The following SYT9 variants were observed in gnomAD, a reference collection of about 807,000 sequenced individuals.
SYT9 encodes synaptotagmin 9.
A neutral mutation model predicts 48.4 loss-of-function variants in SYT9; 22 were observed. The ratio of observed to expected loss-of-function variants is 0.45; its 90% CI spans 0.32 to 0.65. The LOEUF (loss-of-function observed/expected upper bound fraction) is 0.65, where lower values mean the gene tolerates loss of function less well. Ranked by LOEUF, SYT9 falls within the 30% of genes least tolerant of loss-of-function variation. The probability of loss-of-function intolerance (pLI) is 0.03; values close to 1 mark genes in which losing one functional copy is unlikely to be tolerated. For synonymous variants in SYT9, 265 were observed against 245.0 expected, an observed-to-expected ratio of 1.08 and a Z score of -0.76; for missense variants, 577 against 622.0, an observed-to-expected ratio of 0.93 and a Z score of 0.77.
At chr11:7,391,146 G>A (rs1192408370) in intron 3 of SYT9, among the ~76,000 whole-genome samples, 2 of 152,028 alleles carry the variant, frequency 1.3e-5, no homozygotes, top group Admixed American at 1.3e-4. Flanking sequence ...GTTTCTGTAA[G>A]GACATGATTT....
chr11:7,383,082 C>T (rs1016276296), intron 3 of SYT9, among the ~76,000 whole-genome samples: 2 of 152,152 alleles, frequency 1.3e-5, no homozygotes, highest in Non-Finnish European at 2.9e-5. Flanking sequence ...GGGAAAATAT[C>T]AGGAATAGAG....
chr11:7,334,629 C>CACCCA, intron 3 of SYT9, among the ~76,000 whole-genome samples: 1 of 152,196 alleles, frequency 6.6e-6, no homozygotes, highest in Non-Finnish European at 1.5e-5. Context: ...CCTCTCCTGC[C>CACCCA]TCCACTCCCT....
At chr11:7,266,069 T>G (rs1471226824) in intron 1 of SYT9, among the ~76,000 whole-genome samples, 1 of 152,098 alleles carries the variant, frequency 6.6e-6, no homozygotes, top group Non-Finnish European at 1.5e-5. Context: ...ATTCAGAGGA[T>G]CCCAAGTTAA....
intron 1 of SYT9, among the ~76,000 whole-genome samples, chr11:7,270,833 A>ACACACACG (rs1787164368): frequency 1.8e-3 from 1 of 542 alleles, no homozygotes. Context: ...CAAGACACAG[A>ACACACACG]CACACACACA....
intron 3 of SYT9, among the ~76,000 whole-genome samples, chr11:7,362,153 AT>A (rs977717492): frequency 8.0e-5 from 7 of 87,286 alleles, no homozygotes; most frequent in African/African-American, 8.8e-5. Context: ...TTTTTTTTTT[AT>A]TTTTTTTTGA....
intron 3 of SYT9, among the ~76,000 whole-genome samples, chr11:7,397,561 A>G (rs1352556133): frequency 2.6e-5 from 4 of 152,290 alleles, no homozygotes; most frequent in Middle Eastern, 3.4e-3. Flanking sequence ...TATGAAATAT[A>G]TATTGGGATT....
At chr11:7,412,902 C>T (rs973593795) in intron 3 of SYT9, among the ~76,000 whole-genome samples, 4 of 152,144 alleles carry the variant, frequency 2.6e-5, no homozygotes, top group Non-Finnish European at 1.5e-5. Flanking sequence ...GAAGAGTGCA[C>T]ATGTGCCAAC....
At chr11:7,322,389 G>A (rs1191335341) in intron 3 of SYT9, among the ~76,000 whole-genome samples, 1 of 152,192 alleles carries the variant, frequency 6.6e-6, no homozygotes, top group African/African-American at 2.4e-5. Context: ...CAAGAGGGAA[G>A]CCAGGTTCCT....
rs372693625 is a variant in SYT9 at position 7,318,836 on chromosome 11, G to T, written c.1044+4895G>T. 8.5e-5 allele frequency among the ~76,000 whole-genome samples: 13 copies of T among 152,142 alleles called. No individual in the cohort carries two copies. In the South Asian group the frequency reaches 2.5e-3, roughly 29 times the overall value. ...AATGATCCACACTGATCTTGATATAGTACATTTTCTTTACACTGCTGAGTT... is the reference window on the plus strand; with the variant it reads ...AATGATCCACACTGATCTTGATATATTACATTTTCTTTACACTGCTGAGTT... On this transcript the variant is annotated intron_variant, in intron 3 of 6. Coordinates refer to ENST00000318881, the MANE Select transcript of SYT9 (RefSeq NM_175733.4).
At chr11:7,290,778 C>G (rs1337071909) in intron 1 of SYT9, among the ~76,000 whole-genome samples, 1 of 152,100 alleles carries the variant, frequency 6.6e-6, no homozygotes, top group Non-Finnish European at 1.5e-5. Flanking sequence ...GATCTGGAAG[C>G]CCCTTAATAT....
chr11:7,375,051 G>C lies in SYT9; in HGVS notation c.1045-40991G>C, dbSNP rs564166704. 7.4e-4 allele frequency among the ~76,000 whole-genome samples: 113 copies of C among 152,200 alleles called. 1 individual carries two copies. Among genetic ancestry groups the C allele is most frequent in the Admixed American group, 9.2e-4 (14 of 15,276 alleles). On this transcript the variant is annotated intron_variant, in intron 3 of 6. Transcript: ENST00000318881. ...TCCTTTTAGGGTTTTTATGGTTTTA[G>C]GTCTTACGTTTAAGTCTTTAATCCA...
rs139627648 is a variant in SYT9 at position 7,253,957 on chromosome 11, A to T, written c.145+1626A>T. Among the ~76,000 whole-genome samples the T allele has an allele frequency of 5.2e-3, 789 of 152,316 alleles. 8 individuals are homozygous for T. The highest frequency in any genetic ancestry group is 0.017 in the Middle Eastern group (5 of 294). On this transcript the variant is annotated intron_variant, in intron 1 of 6. Coordinates refer to ENST00000318881, the MANE Select transcript of SYT9 (RefSeq NM_175733.4). ...CCACGAGTTCTCCTTGTTATCCCAC[A>T]TAAGCAGTTGTCTTTGGCTTTACAA...
At chr11:7,255,233 G>C (rs7943099) in intron 1 of SYT9, among the ~76,000 whole-genome samples, 79,755 of 151,952 alleles carry the variant, frequency 0.52, 21,131 homozygotes, top group Admixed American at 0.56. Context: ...AACAGCAAGC[G>C]CAAAGGCCCT....
intron 1 of SYT9, among the ~76,000 whole-genome samples, chr11:7,287,418 A>G (rs977793404): frequency 1.3e-5 from 2 of 152,214 alleles, no homozygotes; most frequent in African/African-American, 2.4e-5. Flanking sequence ...GCCAAACCAT[A>G]TCAATGCCCA....
intron 1 of SYT9, among the ~76,000 whole-genome samples, chr11:7,279,617 C>T (rs1251470883): frequency 1.2e-4 from 18 of 152,182 alleles, no homozygotes; most frequent in Admixed American, 7.2e-4. Flanking sequence ...CATCCAGAAT[C>T]ATGATCTCTG....
At chr11:7,366,206 T>G (rs1850240017) in intron 3 of SYT9, among the ~76,000 whole-genome samples, 1 of 152,218 alleles carries the variant, frequency 6.6e-6, no homozygotes, top group African/African-American at 2.4e-5. Context: ...ACCTGGGTTT[T>G]GGGCCTTCTT....
chr11:7,335,492 G>A (rs1849617207), intron 3 of SYT9, among the ~76,000 whole-genome samples: 1 of 151,974 alleles, frequency 6.6e-6, no homozygotes, highest in Non-Finnish European at 1.5e-5. Context: ...GAAGGTTCCA[G>A]TGTTTGCTGT....
chr11:7,360,166 A>G (rs1213326472), intron 3 of SYT9, among the ~76,000 whole-genome samples: 4 of 152,082 alleles, frequency 2.6e-5, no homozygotes, highest in Non-Finnish European at 5.9e-5. Context: ...AGTTGTAGGT[A>G]TGTGGCGTTA....
intron 5 of SYT9, 55 bp from the exon 6 acceptor site, chr11:7,420,451 A>G (rs1847330700): frequency 6.2e-7 from 1 of 1,603,638 alleles, no homozygotes; most frequent in South Asian, 1.1e-5. Flanking sequence ...TTGAGTAGCT[A>G]TTGATCTTAC....
Sources: gnomAD v4.1 joint callset for allele counts (sites outside exome capture counted in the v4.1 genomes callset) on GRCh38, gnomAD v4.1.1 for gene constraint, MANE v1.5 for transcripts, NCBI Gene and HGNC (gene_info 2026-07-23, HGNC 2026-07-21) for gene names.